CDH8: variants seen among roughly 807,000 people sequenced by gnomAD.
CDH8 encodes cadherin 8.
A neutral mutation model predicts 68.1 loss-of-function variants in CDH8; 17 were observed. That is an observed-to-expected ratio of 0.25 (90% confidence interval 0.17 to 0.37). CDH8 has a LOEUF of 0.37. CDH8 is among the 10% of genes least tolerant of loss of function. The pLI is 1.00. For missense variants in CDH8, 763 were observed against 999.3 expected, an observed-to-expected ratio of 0.76 and a Z score of 3.19; for synonymous variants, 372 against 365.1, an observed-to-expected ratio of 1.02 and a Z score of -0.21.
chr16:61,925,812 A>AT (rs764891345), intron 2 of CDH8, among the ~76,000 whole-genome samples: 1 of 152,130 alleles, frequency 6.6e-6, no homozygotes, highest in Admixed American at 6.6e-5. Flanking sequence ...CTTCTGAAGT[A>AT]TTTTTTTAGC....
intron 9 of CDH8, among the ~76,000 whole-genome samples, chr16:61,724,459 C>T (rs1232065733): frequency 6.7e-6 from 1 of 150,374 alleles, no homozygotes; most frequent in Non-Finnish European, 1.5e-5. Context: ...TACATAGGCC[C>T]TTTTGGTCCA....
intron 10 of CDH8, among the ~76,000 whole-genome samples, chr16:61,657,120 A>G (rs1028195696): frequency 1.3e-5 from 2 of 151,800 alleles, no homozygotes; most frequent in African/African-American, 4.8e-5. Flanking sequence ...TAATCATTGC[A>G]TGTAATAGTA....
Position 61,923,398 on chromosome 16 carries a change from A to G in CDH8, c.253-21925T>C, listed in dbSNP as rs550434962. Among the ~76,000 whole-genome samples the G allele has an allele frequency of 8.3e-4, 126 of 152,242 alleles. 1 individual carries two copies. The highest frequency in any genetic ancestry group is 2.9e-3 in the African/African-American group (121 of 41,550). On this transcript the variant is annotated intron_variant, in intron 2 of 11. Transcript: ENST00000577390. Reference sequence around the variant, plus strand: ...AATCTTTTTAGTCCTCAGTGTCATCACTGATAACTTTTGCCATTAATAACC... The same window carrying G: ...AATCTTTTTAGTCCTCAGTGTCATCGCTGATAACTTTTGCCATTAATAACC...
intron 2 of CDH8, 43 bp downstream of exon 2, chr16:62,021,109 C>T: frequency 6.5e-7 from 1 of 1,550,122 alleles, no homozygotes; most frequent in Non-Finnish European, 8.9e-7. Context: ...ATCTTAAGAC[C>T]ACTAACAGAC....
chr16:61,763,521 G>A (rs1009517881), intron 8 of CDH8, among the ~76,000 whole-genome samples: 2 of 152,108 alleles, frequency 1.3e-5, no homozygotes, highest in East Asian at 3.9e-4. Context: ...TAATACTGTT[G>A]GGAGCTAGAG....
chr16:62,026,145 C>T (rs1395507057), intron 1 of CDH8, among the ~76,000 whole-genome samples: 1 of 152,132 alleles, frequency 6.6e-6, no homozygotes, highest in Non-Finnish European at 1.5e-5. Flanking sequence ...TCCACCATGA[C>T]CAATTTTAAG....
intron 1 of CDH8, 137 bp downstream of exon 1, chr16:62,035,943 A>G (rs1405447590): frequency 6.6e-6 from 1 of 152,418 alleles, no homozygotes; most frequent in Admixed American, 6.5e-5. Context: ...AGCCTATGCT[A>G]AGAACCCTCA....
intron 7 of CDH8, among the ~76,000 whole-genome samples, chr16:61,794,585 T>C (rs1328816509): frequency 6.6e-6 from 1 of 152,086 alleles, no homozygotes; most frequent in Non-Finnish European, 1.5e-5. Context: ...AAGGTAGTTT[T>C]CCTTTCACTG....
intron 2 of CDH8, among the ~76,000 whole-genome samples, chr16:62,004,140 G>T (rs553530215): frequency 1.3e-5 from 2 of 152,172 alleles, no homozygotes; most frequent in South Asian, 4.1e-4. Context: ...AATGTCCAAG[G>T]CGTGAACTGT....
At chr16:62,032,364 A>G (rs760245424) in intron 1 of CDH8, among the ~76,000 whole-genome samples, 5 of 152,088 alleles carry the variant, frequency 3.3e-5, no homozygotes, top group Non-Finnish European at 5.9e-5. Context: ...GTGTGTGTGT[A>G]CATAATACAG....
intron 1 of CDH8, among the ~76,000 whole-genome samples, chr16:62,027,892 C>T (rs1473498485): frequency 1.3e-5 from 2 of 152,112 alleles, no homozygotes; most frequent in African/African-American, 2.4e-5. Context: ...TGTAAACACA[C>T]ACACCCACAC....
chr16:61,944,047 T>G (rs1187966878), intron 2 of CDH8, among the ~76,000 whole-genome samples: 1 of 152,224 alleles, frequency 6.6e-6, no homozygotes, highest in Non-Finnish European at 1.5e-5. Context: ...GCATTCCAGC[T>G]TCCCTGAATA....
intron 3 of CDH8, among the ~76,000 whole-genome samples, chr16:61,879,402 A>C (rs1963526774): frequency 6.6e-6 from 1 of 152,188 alleles, no homozygotes; most frequent in Non-Finnish European, 1.5e-5. Context: ...ATGTAAAATA[A>C]ATTCCCTATT....
chr16:61,931,998 G>A (rs1034443866), intron 2 of CDH8, among the ~76,000 whole-genome samples: 1 of 152,084 alleles, frequency 6.6e-6, no homozygotes, highest in East Asian at 1.9e-4. Context: ...ACGAGGTCAG[G>A]AGATCGAGAC....
At chr16:61,833,010 G>A (rs1302356047) in intron 4 of CDH8, among the ~76,000 whole-genome samples, 2 of 151,570 alleles carry the variant, frequency 1.3e-5, no homozygotes, top group Non-Finnish European at 3.0e-5. Context: ...GAGTTAGCTA[G>A]ATGAGAAATT....
chr16:61,737,180 G>A (rs1336177029), intron 8 of CDH8, among the ~76,000 whole-genome samples: 2 of 152,064 alleles, frequency 1.3e-5, no homozygotes, highest in African/African-American at 4.8e-5. Context: ...GCTTTTAACT[G>A]GTTTCCATGA....
chr16:62,015,116 T>C (rs1263069350), intron 2 of CDH8, among the ~76,000 whole-genome samples: 1 of 152,080 alleles, frequency 6.6e-6, no homozygotes, highest in Non-Finnish European at 1.5e-5. Flanking sequence ...GACATGACAC[T>C]AGAAGTAGAA....
chr16:61,953,565 C>T (rs75907529), intron 2 of CDH8, among the ~76,000 whole-genome samples: 2 of 137,630 alleles, frequency 1.5e-5, no homozygotes, highest in African/African-American at 2.6e-5. Flanking sequence ...ATTTTTCTTA[C>T]AAAAAAAAAA....
intron 4 of CDH8, among the ~76,000 whole-genome samples, chr16:61,842,690 T>C (rs565531408): frequency 1.3e-4 from 20 of 152,244 alleles, no homozygotes; most frequent in African/African-American, 4.6e-4. Flanking sequence ...CCTCTTCACC[T>C]CTAAGATGGA....
Sources: allele counts gnomAD v4.1 joint callset (sites outside exome capture counted in the v4.1 genomes callset), GRCh38; gene constraint gnomAD v4.1.1; transcripts MANE v1.5; gene names NCBI Gene and HGNC (gene_info 2026-07-23, HGNC 2026-07-21).